GRIK4: variants seen among roughly 807,000 people sequenced by gnomAD.
GRIK4 encodes glutamate ionotropic receptor kainate type subunit 4.
A neutral mutation model predicts 104.9 loss-of-function variants in GRIK4; 40 were observed. The ratio of observed to expected loss-of-function variants is 0.38; its 90% CI spans 0.30 to 0.50. The LOEUF (loss-of-function observed/expected upper bound fraction) is 0.50, where lower values mean the gene tolerates loss of function less well. Ranked by LOEUF, GRIK4 falls within the 20% of genes least tolerant of loss-of-function variation. The pLI is 0.93. For synonymous variants in GRIK4, 485 were observed against 524.9 expected (o/e 0.92, Z 1.04); for missense variants, 1,047 against 1,308.1 (o/e 0.80, Z 3.08).
At chr11:120,718,023 G>T (rs1950866456) in intron 3 of GRIK4, among the ~76,000 whole-genome samples, 2 of 152,184 alleles carry the variant, frequency 1.3e-5, no homozygotes, top group Admixed American at 1.3e-4. Flanking sequence ...CAGTGCCATG[G>T]TTTTCCCCTT....
chr11:120,556,884 C>T (rs1224356134), intron 1 of GRIK4, among the ~76,000 whole-genome samples: 1 of 152,196 alleles, frequency 6.6e-6, no homozygotes, highest in Non-Finnish European at 1.5e-5. Flanking sequence ...CATTCCTCCT[C>T]ATTAGTCAGT....
At position 120,702,024 on chromosome 11, in the gene GRIK4, C is replaced by T. The variant is rs189260660; in HGVS notation, c.82+41624C>T. ...AGGCTGGAGTGCAGTGGTGCGATAC[C>T]GGCTCACTGCAATCTCTGCCTCCCA... On this transcript the variant is annotated intron_variant, in intron 3 of 20. Coordinates refer to ENST00000527524, the MANE Select transcript of GRIK4 (RefSeq NM_014619.5). Among the ~76,000 whole-genome samples, 1,072 of 147,106 alleles carry T rather than the reference C, an allele frequency of 7.3e-3. 19 individuals carry two copies. Among genetic ancestry groups the T allele is most frequent in the African/African-American group, 0.025 (994 of 39,206 alleles).
intron 8 of GRIK4, 82 bp downstream of exon 8, chr11:120,836,926 AG>A (rs989917929): frequency 1.8e-5 from 17 of 939,658 alleles, no homozygotes; most frequent in Non-Finnish European, 3.0e-5. Flanking sequence ...GAAAAAGCCC[AG>A]GGGATGACGA....
chr11:120,984,331 G>A (rs1008877254), intron 20 of GRIK4, among the ~76,000 whole-genome samples: 8 of 152,334 alleles, frequency 5.3e-5, no homozygotes, highest in African/African-American at 1.9e-4. Flanking sequence ...GCACTCAACA[G>A]AGCATGTACA....
At chr11:120,871,720 A>G (rs1481038252) in intron 9 of GRIK4, 1 of 456,330 alleles carries the variant, frequency 2.2e-6, no homozygotes, top group Admixed American at 2.3e-5. Context: ...GGTCTATGGT[A>G]CCTGCCAGAT....
intron 3 of GRIK4, among the ~76,000 whole-genome samples, chr11:120,789,492 T>G (rs561305159): frequency 6.6e-6 from 1 of 152,126 alleles, no homozygotes; most frequent in Non-Finnish European, 1.5e-5. Context: ...CATTTCTCTT[T>G]CCTGGACTAT....
intron 3 of GRIK4, among the ~76,000 whole-genome samples, chr11:120,692,806 A>C (rs140543883): frequency 6.6e-5 from 10 of 152,256 alleles, no homozygotes; most frequent in Non-Finnish European, 1.3e-4. Flanking sequence ...ATCTCAGCTC[A>C]CTGCAACCTC....
chr11:120,530,143 C>T (rs968983701), intron 1 of GRIK4, among the ~76,000 whole-genome samples: 1 of 152,234 alleles, frequency 6.6e-6, no homozygotes, highest in Non-Finnish European at 1.5e-5. Flanking sequence ...TGTGGAGAAA[C>T]GTCTGCCTTT....
At chr11:120,957,358 AC>A (rs1944179001) in intron 16 of GRIK4, among the ~76,000 whole-genome samples, 1 of 152,214 alleles carries the variant, frequency 6.6e-6, no homozygotes, top group South Asian at 2.1e-4. Flanking sequence ...CCTGGCTGCT[AC>A]ATCACATCCC....
chr11:120,653,074 G>C (rs1438332556), intron 1 of GRIK4, among the ~76,000 whole-genome samples: 2 of 152,224 alleles, frequency 1.3e-5, no homozygotes, highest in Non-Finnish European at 2.9e-5. Flanking sequence ...AATGCAAAGT[G>C]AAATAGCCAT....
In GRIK4 at chr11:120,875,108, T is replaced by C. The variant is rs747417683; in HGVS notation, c.1060-31T>C. On this transcript the variant is annotated intron_variant, in intron 10 of 20. Coordinates refer to ENST00000527524, the MANE Select transcript of GRIK4 (RefSeq NM_014619.5). ...GGGGCAAGTGTAACCTGGGGCCTGT[T>C]TGGTGCTGTAACTCACTCTCTCTTG... The C allele has an allele frequency of 3.6e-6, 5 of 1,384,646 alleles. No individual in the cohort carries two copies. In the South Asian group the frequency reaches 5.8e-5, roughly 16 times the overall value. The allele number at this position is 1,384,646 out of a possible 1,614,324, so 85.8% of individuals were successfully genotyped here.
At chr11:120,890,644 C>A (rs144597571) in intron 11 of GRIK4, among the ~76,000 whole-genome samples, 8 of 152,318 alleles carry the variant, frequency 5.3e-5, no homozygotes, top group African/African-American at 1.9e-4. Flanking sequence ...TTCATTCATT[C>A]ATTCATTTAT....
chr11:120,846,293 C>T (rs1412949844), intron 8 of GRIK4, among the ~76,000 whole-genome samples: 1 of 152,196 alleles, frequency 6.6e-6, no homozygotes, highest in Non-Finnish European at 1.5e-5. Context: ...TACACTGAGT[C>T]AGCAAACATC....
intron 9 of GRIK4, chr11:120,871,288 G>A: frequency 4.1e-6 from 1 of 242,300 alleles, no homozygotes; most frequent in South Asian, 5.9e-5. Flanking sequence ...CATGTGAGAG[G>A]CCCATTAATA....
intron 13 of GRIK4, among the ~76,000 whole-genome samples, chr11:120,934,204 CAAAAAAAAAAAAAA>C (rs35705174): frequency 1.5e-4 from 8 of 54,240 alleles, no homozygotes; most frequent in Admixed American, 9.0e-4. Flanking sequence ...GACTCCGTCT[CAAAAAAAAAAAAAA>C]AAAAAAAAAA....
In GRIK4 at chr11:120,819,902, A is replaced by T. The variant is rs760078309; in HGVS notation, c.493A>T (p.Ile165Phe). 6.2e-7 allele frequency: 1 copy of T among 1,613,970 alleles called. No homozygotes were observed. The highest frequency in any genetic ancestry group is 8.5e-7 in the Non-Finnish European group (1 of 1,180,024). Residue 165 changes from isoleucine to phenylalanine, a missense_variant, in exon 6 of 21, where the codon ATC (isoleucine) becomes TTC (phenylalanine). Around this residue, in one of 3 missense-constraint regions of GRIK4, gnomAD observed 447 missense variants for 514.9 expected, o/e 0.87. Transcript: ENST00000527524. The surrounding 1 kb of genome is among the most constrained non-coding windows in gnomAD (Gnocchi z 4.3). The stretch of plus-strand genomic sequence containing the variant: ...CTTCAACTGCACCACCGCCTGCCTC[A>T]TCTGTGCCAAAGCAGAATGTAAGTT... Reference protein sequence around the residue: ...NFFNCTTACLICAKAECLLNL... With the variant: ...NFFNCTTACLFCAKAECLLNL...
At position 120,555,553 on chromosome 11, in the gene GRIK4, C is replaced by T. The variant is rs553147860; in HGVS notation, c.-159+43666C>T. The stretch of plus-strand genomic sequence containing the variant: ...GCTGCCACCAGATGCACACAGCGGT[C>T]GTCTTCTCCCTCACGGTCCGCCTGC... On this transcript the variant is annotated intron_variant, in intron 1 of 20. Transcript: ENST00000527524. The surrounding 1 kb of genome is among the most constrained non-coding windows in gnomAD (Gnocchi z 5.3). Among the ~76,000 whole-genome samples, 7 of 152,332 alleles carry T rather than the reference C, an allele frequency of 4.6e-5. No homozygotes were observed. The South Asian group carries it at 6.2e-4, about 14-fold the overall frequency.
At chr11:120,885,543 G>A (rs774198085) in intron 11 of GRIK4, among the ~76,000 whole-genome samples, 15 of 152,048 alleles carry the variant, frequency 9.9e-5, no homozygotes, top group Non-Finnish European at 1.8e-4. Context: ...CTACCACCAC[G>A]GCTGGCTAAT....
intron 19 of GRIK4, among the ~76,000 whole-genome samples, chr11:120,979,424 T>C (rs1343055483): frequency 6.6e-6 from 1 of 152,164 alleles, no homozygotes; most frequent in Non-Finnish European, 1.5e-5. Context: ...TTTAAATGCA[T>C]TTAACATAAG....
Sources: allele counts gnomAD v4.1 joint callset (sites outside exome capture counted in the v4.1 genomes callset), GRCh38; gene constraint gnomAD v4.1.1; regional missense constraint gnomAD v4.1.1; non-coding constraint Gnocchi (gnomAD v3.1); transcripts MANE v1.5; gene names NCBI Gene and HGNC (gene_info 2026-07-23, HGNC 2026-07-21).